Variants in DAPK1 observed in about 807,000 individuals in gnomAD.
DAPK1 encodes death associated protein kinase 1.
In DAPK1, 56 loss-of-function variants were observed where a neutral mutation model predicts 144.9. That is an observed-to-expected ratio of 0.39 (90% confidence interval 0.31 to 0.48). DAPK1 has a LOEUF of 0.48. DAPK1 is among the 20% of genes least tolerant of loss of function. DAPK1 has a pLI of 0.95. For missense variants in DAPK1, 1,454 were observed against 1,875.4 expected (o/e 0.78, Z 4.15); for synonymous variants, 690 against 749.0 (o/e 0.92, Z 1.29).
chr9:87,683,793 C>T (rs572674521), intron 20 of DAPK1, among the ~76,000 whole-genome samples: 57 of 152,290 alleles, frequency 3.7e-4, no homozygotes, highest in South Asian at 1.9e-3. Context: ...GGGGTCCTGG[C>T]GCGGGGGCAG....
intron 16 of DAPK1, among the ~76,000 whole-genome samples, chr9:87,651,169 CAG>C (rs1830431642): frequency 6.6e-6 from 1 of 152,186 alleles, no homozygotes; most frequent in Non-Finnish European, 1.5e-5. Context: ...AGGAAATTGG[CAG>C]AGATTGCTGG....
chr9:87,651,085 A>G (rs764142579), intron 16 of DAPK1, among the ~76,000 whole-genome samples: 4 of 152,220 alleles, frequency 2.6e-5, no homozygotes, highest in Non-Finnish European at 5.9e-5. Context: ...TTTATATGAC[A>G]GCCCTTGAGC....
chr9:87,568,285 G>A (rs1276661367), intron 2 of DAPK1, among the ~76,000 whole-genome samples: 2 of 152,240 alleles, frequency 1.3e-5, no homozygotes, highest in Non-Finnish European at 2.9e-5. Context: ...GCATTGCTGG[G>A]AATCAGAGTT....
intron 2 of DAPK1, among the ~76,000 whole-genome samples, chr9:87,584,356 C>A (rs1827862852): frequency 2.6e-5 from 4 of 152,172 alleles, no homozygotes; most frequent in Admixed American, 2.6e-4. Flanking sequence ...TTTATTCATT[C>A]ATCCACTGAT....
intron 2 of DAPK1, among the ~76,000 whole-genome samples, chr9:87,569,330 C>A (rs1356393426): frequency 1.3e-5 from 2 of 152,144 alleles, no homozygotes; most frequent in East Asian, 3.9e-4. Flanking sequence ...TGGGCTTTGC[C>A]CCATGGACTG....
intron 2 of DAPK1, among the ~76,000 whole-genome samples, chr9:87,531,403 G>A (rs1472571993): frequency 1.3e-5 from 2 of 152,194 alleles, no homozygotes; most frequent in African/African-American, 4.8e-5. Flanking sequence ...AGTATACTTT[G>A]TAATTTGGGG....
At chr9:87,500,905 T>A (rs1324475971) in intron 2 of DAPK1, among the ~76,000 whole-genome samples, 1 of 152,226 alleles carries the variant, frequency 6.6e-6, no homozygotes, top group African/African-American at 2.4e-5. Context: ...CTGAAGTTTT[T>A]AAAAATGAAA....
At chr9:87,657,657 A>G (rs1830675006) in intron 17 of DAPK1, 1 of 272,322 alleles carries the variant, frequency 3.7e-6, no homozygotes, top group African/African-American at 2.3e-5. Flanking sequence ...TTCACTAATT[A>G]GGATGTCTTC....
intron 3 of DAPK1, among the ~76,000 whole-genome samples, chr9:87,609,396 A>G (rs1488439589): frequency 2.0e-5 from 3 of 152,254 alleles, no homozygotes; most frequent in Non-Finnish European, 4.4e-5. Context: ...AGTGGCACTA[A>G]GTACCTAAGA....
At chr9:87,614,323 T>C (rs1031957614) in intron 3 of DAPK1, among the ~76,000 whole-genome samples, 6 of 152,198 alleles carry the variant, frequency 3.9e-5, no homozygotes, top group Non-Finnish European at 8.8e-5. Flanking sequence ...AACTTTAGTA[T>C]CTGCCATGAT....
rs36229908 is a variant in DAPK1 at position 87,525,918 on chromosome 9, A to T, written c.62+26779A>T. Reference sequence around the variant, plus strand: ...AGTATCCCTTTAAGTTTGTTTTTAAAATATTAAATTTACCAAGAAACAGTA... The same window carrying T: ...AGTATCCCTTTAAGTTTGTTTTTAATATATTAAATTTACCAAGAAACAGTA... On this transcript the variant is annotated intron_variant, in intron 2 of 25. Coordinates refer to ENST00000408954, the MANE Select transcript of DAPK1 (RefSeq NM_004938.4). Among the ~76,000 whole-genome samples, 35 of 152,286 alleles carry T rather than the reference A, an allele frequency of 2.3e-4. No individual in the cohort carries two copies. In the East Asian group the frequency reaches 6.6e-3, roughly 29 times the overall value.
intron 2 of DAPK1, among the ~76,000 whole-genome samples, chr9:87,583,099 T>C (rs1467954779): frequency 6.6e-6 from 1 of 152,044 alleles, no homozygotes; most frequent in Non-Finnish European, 1.5e-5. Context: ...CTGTTATTAA[T>C]AGAATGAAGG....
intron 17 of DAPK1, among the ~76,000 whole-genome samples, chr9:87,653,821 GTAGC>G (rs1830541051): frequency 1.3e-5 from 2 of 152,112 alleles, no homozygotes. Context: ...AGCCTCCTGA[GTAGC>G]TGGGATTACA....
At chr9:87,702,850 G>C (rs2118084753) in intron 24 of DAPK1, among the ~76,000 whole-genome samples, 179 bp from the exon 25 acceptor site, 1 of 152,036 alleles carries the variant, frequency 6.6e-6, no homozygotes, top group South Asian at 2.1e-4. Flanking sequence ...GACCAGCCTG[G>C]GCAATAGCGA....
At chr9:87,670,717 A>T (rs1286578616) in intron 19 of DAPK1, among the ~76,000 whole-genome samples, 1 of 152,104 alleles carries the variant, frequency 6.6e-6, no homozygotes, top group African/African-American at 2.4e-5. Flanking sequence ...CGCTTACCAC[A>T]TTCACTCTCA....
intron 2 of DAPK1, among the ~76,000 whole-genome samples, chr9:87,592,118 C>T (rs555553426): frequency 3.3e-5 from 5 of 151,922 alleles, no homozygotes; most frequent in African/African-American, 1.2e-4. Context: ...TGCAGACAAG[C>T]ACAGCCTCTT....
intron 17 of DAPK1, among the ~76,000 whole-genome samples, chr9:87,652,706 A>G (rs3128469): frequency 5.2e-3 from 493 of 94,032 alleles, no homozygotes; most frequent in African/African-American, 0.018. Context: ...ACCTGATCCC[A>G]GGTCCTGATT....
chr9:87,576,362 T>C (rs1021494128), intron 2 of DAPK1, among the ~76,000 whole-genome samples: 8 of 152,250 alleles, frequency 5.3e-5, no homozygotes, highest in African/African-American at 1.9e-4. Context: ...CTCTTATGTT[T>C]TGTACTGTCA....
At chr9:87,704,871 AT>A (rs1423744955) in intron 25 of DAPK1, among the ~76,000 whole-genome samples, 1 of 152,194 alleles carries the variant, frequency 6.6e-6, no homozygotes, top group African/African-American at 2.4e-5. Context: ...GTCCAGGGCG[AT>A]GGCCACTCTC....
Sources: allele counts gnomAD v4.1 joint callset (sites outside exome capture counted in the v4.1 genomes callset), GRCh38; gene constraint gnomAD v4.1.1; transcripts MANE v1.5; gene names NCBI Gene and HGNC (gene_info 2026-07-23, HGNC 2026-07-21).